Variants in KIF3A observed in about 807,000 individuals in gnomAD.
The protein encoded by KIF3A is kinesin family member 3A, also known as kinesin-like protein KIF3A.
Under a neutral mutation model 92.6 loss-of-function variants are expected in KIF3A, and 27 were observed. The ratio of observed to expected loss-of-function variants is 0.29; its 90% CI spans 0.21 to 0.40. KIF3A has a LOEUF of 0.40. Ranked by LOEUF, KIF3A falls within the 10% of genes least tolerant of loss-of-function variation. The pLI is 1.00. For missense variants in KIF3A, 581 were observed against 872.6 expected, an observed-to-expected ratio of 0.67 and a Z score of 4.21; for synonymous variants, 250 against 275.4, an observed-to-expected ratio of 0.91 and a Z score of 0.92.
At chr5:132,724,806 A>AAAAAAAT (rs59476182) in intron 4 of KIF3A, among the ~76,000 whole-genome samples, 1 of 22,700 alleles carries the variant, frequency 4.4e-5, no homozygotes, top group African/African-American at 1.8e-4. Flanking sequence ...AAAAAAAAAA[A>AAAAAAAT]ATATATATAT....
Position 132,696,498 on chromosome 5 carries a change from T to C in KIF3A, c.*136A>G. The C allele has an allele frequency of 3.1e-6, 2 of 645,916 alleles. No homozygotes were observed. The highest frequency in any genetic ancestry group is 4.0e-5 in the South Asian group (2 of 49,722). The allele number at this position is 645,916 out of a possible 1,614,324, so 40.0% of individuals were successfully genotyped here. A position where few individuals can be genotyped will look rare whatever the true frequency, so the allele number is the denominator to read the frequency against. On this transcript the variant is annotated 3_prime_UTR_variant, in exon 19 of 19. Coordinates refer to ENST00000403231, the MANE Select transcript of KIF3A (RefSeq NM_001300791.2). ...AGACTAAAAGTTCTTAAGCAAATTA[T>C]TATTTCCAGTCTTATTCATTGATCT...
chr5:132,724,757 C>T (rs1186860178), intron 4 of KIF3A, among the ~76,000 whole-genome samples: 78 of 136,556 alleles, frequency 5.7e-4, no homozygotes, highest in Non-Finnish European at 6.4e-4. Flanking sequence ...CAAACCTGCA[C>T]GTCGTGCACA....
chr5:132,701,131 C>CA lies in KIF3A; in HGVS notation c.1885-432dup, dbSNP rs56411849. 3.6e-3 allele frequency among the ~76,000 whole-genome samples: 516 copies of CA among 142,740 alleles called. 7 individuals are homozygous for CA. Among genetic ancestry groups the CA allele is most frequent in the African/African-American group, 0.013 (474 of 37,514 alleles). 93.6% of individuals were successfully genotyped at this position (142,740 alleles called of 152,430 possible). ...GGACTAATTCCATGTACCTGAGGTC[C>CA]AAAAAAAAAAAAAATGACTAAGACT... On this transcript the variant is annotated intron_variant, in intron 15 of 18. Transcript: ENST00000403231.
At chr5:132,715,968 C>T in intron 7 of KIF3A, 37 bp from the exon 8 acceptor site, 2 of 1,407,266 alleles carry the variant, frequency 1.4e-6, no homozygotes, top group Non-Finnish European at 2.0e-6. Context: ...TCATTTTACA[C>T]TTGACAGAGT....
At chr5:132,724,792 TAAAA>T (rs756540926) in intron 4 of KIF3A, among the ~76,000 whole-genome samples, 6,833 of 64,286 alleles carry the variant, frequency 0.11, 617 homozygotes, top group East Asian at 0.25. Context: ...TAAAGTATAA[TAAAA>T]AAAAAAAAAA....
At chr5:132,718,925 A>T in intron 5 of KIF3A, among the ~76,000 whole-genome samples, 1 of 152,170 alleles carries the variant, frequency 6.6e-6, no homozygotes, top group East Asian at 1.9e-4. Flanking sequence ...CACCACACCC[A>T]GCCTAACTCA....
At chr5:132,728,326 A>C (rs1025123360) in intron 2 of KIF3A, among the ~76,000 whole-genome samples, 4 of 151,938 alleles carry the variant, frequency 2.6e-5, no homozygotes, top group Admixed American at 2.0e-4. Flanking sequence ...CCTGTAATCC[A>C]CCTGTAAATA....
In KIF3A at chr5:132,716,966, T is replaced by G. The variant is rs554190530; in HGVS notation, c.635A>C (p.Asn212Thr). 1 of 1,613,662 alleles carries G rather than the reference T, an allele frequency of 6.2e-7. No homozygotes were observed. Among genetic ancestry groups the G allele is most frequent in the South Asian group, 1.1e-5 (1 of 91,006 alleles). The change falls in exon 6 of 19, where the codon AAT (asparagine) becomes ACT (threonine). Residue 212 changes from asparagine to threonine, a missense_variant. Around this residue, in one of 5 missense-constraint regions of KIF3A, gnomAD observed 217 missense variants for 299.7 expected, o/e 0.72. Coordinates refer to ENST00000403231, the MANE Select transcript of KIF3A (RefSeq NM_001300791.2). The part of the protein sequence containing the change: ...GHKNRSVGAT[N>T]MNEHSSRSHA... ...GGAACGGGAACTATGTTCGTTCATATTAGTTGCACCAACAGAACCTTTAAT... is the reference window on the plus strand; with the variant it reads ...GGAACGGGAACTATGTTCGTTCATAGTAGTTGCACCAACAGAACCTTTAAT...
intron 2 of KIF3A, among the ~76,000 whole-genome samples, chr5:132,731,389 T>TA (rs200263152): frequency 4.0e-5 from 6 of 150,828 alleles, no homozygotes; most frequent in South Asian, 2.1e-4. Flanking sequence ...TAACAAACCT[T>TA]AAAAAAAAAG....
At chr5:132,710,119 T>C (rs899963323) in intron 9 of KIF3A, among the ~76,000 whole-genome samples, 1 of 152,230 alleles carries the variant, frequency 6.6e-6, no homozygotes, top group Non-Finnish European at 1.5e-5. Flanking sequence ...ATTATCTATA[T>C]TCTGATCATA....
intron 4 of KIF3A, among the ~76,000 whole-genome samples, chr5:132,721,843 G>C (rs1753836000): frequency 6.6e-6 from 1 of 152,154 alleles, no homozygotes. Context: ...TTCAGGCCCA[G>C]AGAAGTTCTA....
intron 10 of KIF3A, 75 bp downstream of exon 10, chr5:132,708,832 A>G (rs1753314991): frequency 1.3e-5 from 12 of 927,236 alleles, no homozygotes; most frequent in Non-Finnish European, 1.9e-5. Context: ...GGAGTGGTGC[A>G]GCATTGCTCA....
intron 9 of KIF3A, among the ~76,000 whole-genome samples, chr5:132,709,416 T>C (rs1753338864): frequency 6.6e-6 from 1 of 152,212 alleles, no homozygotes; most frequent in African/African-American, 2.4e-5. Context: ...CATAATAGGT[T>C]AGTCTATCTC....
At chr5:132,717,617 T>C (rs1322544622) in intron 5 of KIF3A, among the ~76,000 whole-genome samples, 2 of 151,468 alleles carry the variant, frequency 1.3e-5, no homozygotes, top group Non-Finnish European at 2.9e-5. Flanking sequence ...AAGAAATACA[T>C]AACATAATCC....
At chr5:132,703,352 C>T (rs1178418736) in intron 12 of KIF3A, 111 bp downstream of exon 12, 4 of 905,468 alleles carry the variant, frequency 4.4e-6, no homozygotes, top group Non-Finnish European at 6.6e-6. Context: ...AATAGCTACA[C>T]TGGAGACAAA....
chr5:132,716,590 G>C (rs566955416), intron 6 of KIF3A, 148 bp from the exon 7 acceptor site: 2 of 780,312 alleles, frequency 2.6e-6, no homozygotes, highest in Non-Finnish European at 4.0e-6. Context: ...AGGAAGAAGT[G>C]GGGGAGAGTA....
At chr5:132,726,252 T>C in intron 3 of KIF3A, 40 bp from the exon 4 acceptor site, 1 of 1,583,816 alleles carries the variant, frequency 6.3e-7, no homozygotes, top group Non-Finnish European at 8.6e-7. Flanking sequence ...GAGTGAAATA[T>C]TCATAAGAAC....
At chr5:132,731,262 C>T (rs951518396) in intron 2 of KIF3A, among the ~76,000 whole-genome samples, 5 of 152,048 alleles carry the variant, frequency 3.3e-5, no homozygotes, top group African/African-American at 1.2e-4. Flanking sequence ...AACATGGATG[C>T]CAAAATTTTT....
In KIF3A at chr5:132,733,928, T is replaced by C. The variant is rs79089856; in HGVS notation, c.280+277A>G. Among the ~76,000 whole-genome samples, 457 of 152,212 alleles carry C rather than the reference T, an allele frequency of 3.0e-3. 15 individuals carry two copies. The East Asian group carries it at 0.073, about 24-fold the overall frequency. ...TGTGAAAGAAAACAGATAAAAAAGG[T>C]GACATATTATATGACATCATTTATA... On this transcript the variant is annotated intron_variant, in intron 2 of 18. Coordinates refer to ENST00000403231, the MANE Select transcript of KIF3A (RefSeq NM_001300791.2).
Sources: allele counts gnomAD v4.1 joint callset (sites outside exome capture counted in the v4.1 genomes callset), GRCh38; gene constraint gnomAD v4.1.1; regional missense constraint gnomAD v4.1.1; transcripts MANE v1.5; gene names NCBI Gene and HGNC (gene_info 2026-07-23, HGNC 2026-07-21).